Variants in RAD50 observed in about 807,000 individuals in gnomAD.
The protein encoded by RAD50 is RAD50 double strand break repair protein, also known as DNA repair protein RAD50.
RAD50 carries 132 observed loss-of-function variants against 168.8 expected under a neutral mutation model. The ratio of observed to expected loss-of-function variants is 0.78; its 90% confidence interval spans 0.68 to 0.90. The LOEUF (loss-of-function observed/expected upper bound fraction) is 0.90, where lower values mean the gene tolerates loss of function less well. Ranked by LOEUF, RAD50 falls within the 40% of genes least tolerant of loss-of-function variation. The probability of loss-of-function intolerance (pLI) is 0.00; values close to 1 mark genes in which losing one functional copy is unlikely to be tolerated. For missense variants in RAD50, 1,347 were observed against 1,534.4 expected (o/e 0.88, Z 2.04); for synonymous variants, 525 against 497.4 (o/e 1.06, Z -0.74).
At chr5:132,578,061 C>T (rs553660524) in intron 3 of RAD50, among the ~76,000 whole-genome samples, 1 of 152,282 alleles carries the variant, frequency 6.6e-6, no homozygotes, top group Non-Finnish European at 1.5e-5. Context: ...GATCCGCCCA[C>T]CTCAGCCTCC....
intron 24 of RAD50, 134 bp from the exon 25 acceptor site, chr5:132,642,044 C>A: frequency 1.1e-6 from 1 of 938,624 alleles, no homozygotes; most frequent in Non-Finnish European, 1.7e-6. Flanking sequence ...GCCACCCCTC[C>A]ACTTCCTGCA....
At chr5:132,633,436 CTT>C (rs750578256) in intron 21 of RAD50, among the ~76,000 whole-genome samples, 98 of 152,066 alleles carry the variant, frequency 6.4e-4, no homozygotes, top group Non-Finnish European at 1.2e-3. Flanking sequence ...TCTTTTGTAA[CTT>C]TTAATTTTTA....
intron 21 of RAD50, among the ~76,000 whole-genome samples, chr5:132,626,176 A>C (rs1398711047): frequency 6.6e-6 from 1 of 152,146 alleles, no homozygotes; most frequent in African/African-American, 2.4e-5. Flanking sequence ...GAGGAACCAC[A>C]TTTTCTTTAT....
Position 132,587,542 on chromosome 5 carries a change from T to A in RAD50, c.757-20T>A. ...TAAGCTATAGTGAGTTTTATTTATGTAATGTTTCTTTATTTTCAGAATCGT... is the reference window on the plus strand; with the variant it reads ...TAAGCTATAGTGAGTTTTATTTATGAAATGTTTCTTTATTTTCAGAATCGT... On this transcript the variant is annotated intron_variant, in intron 5 of 24. Transcript: ENST00000378823. The A allele has an allele frequency of 1.9e-6, 3 of 1,611,386 alleles. No homozygotes were observed.
At chr5:132,621,780 T>G (rs1457296927) in intron 21 of RAD50, among the ~76,000 whole-genome samples, 1 of 152,178 alleles carries the variant, frequency 6.6e-6, no homozygotes, top group Non-Finnish European at 1.5e-5. Context: ...TCTCTTAGGA[T>G]TTTTCCCTTT....
At chr5:132,580,473 G>A (rs1750486041) in intron 5 of RAD50, among the ~76,000 whole-genome samples, 1 of 152,170 alleles carries the variant, frequency 6.6e-6, no homozygotes, top group South Asian at 2.1e-4. Flanking sequence ...TAAATTAGTA[G>A]TATAGATCAC....
chr5:132,609,432 A>G, intron 19 of RAD50, 36 bp downstream of exon 19: 6 of 1,609,928 alleles, frequency 3.7e-6, no homozygotes, highest in Non-Finnish European at 4.2e-6. Context: ...ACTTACACCT[A>G]TGACATTCTT....
chr5:132,590,131 CA>C (rs1411667463), intron 9 of RAD50, among the ~76,000 whole-genome samples: 1 of 152,246 alleles, frequency 6.6e-6, no homozygotes, highest in East Asian at 1.9e-4. Context: ...AATGTACATT[CA>C]AAACACAACA....
chr5:132,611,429 G>C (rs1385920279), intron 19 of RAD50, among the ~76,000 whole-genome samples: 1 of 151,286 alleles, frequency 6.6e-6, no homozygotes, highest in South Asian at 2.1e-4. Flanking sequence ...AAAACAGCCA[G>C]GCGTGGTGGC....
chr5:132,565,949 C>T (rs1197355867), intron 2 of RAD50, among the ~76,000 whole-genome samples: 2 of 152,182 alleles, frequency 1.3e-5, no homozygotes, highest in African/African-American at 4.8e-5. Flanking sequence ...ATTTATTCCA[C>T]TCTAGGCTGA....
chr5:132,600,108 C>T (rs1750861774), intron 13 of RAD50: 1 of 152,212 alleles, frequency 6.6e-6, no homozygotes, highest in Admixed American at 6.5e-5. Context: ...TCTATTCATG[C>T]AACCAATATA....
intron 19 of RAD50, among the ~76,000 whole-genome samples, chr5:132,610,828 G>A (rs1405720652): frequency 3.3e-5 from 5 of 152,066 alleles, no homozygotes; most frequent in East Asian, 1.9e-4. Context: ...ATATATATAC[G>A]AAATTGTTAA....
Position 132,594,855 on chromosome 5 carries a change from T to G in RAD50, c.1794-14T>G. 6 of 1,589,880 alleles carry G rather than the reference T, an allele frequency of 3.8e-6. No individual in the cohort carries two copies. Among genetic ancestry groups the G allele is most frequent in the Non-Finnish European group, 5.2e-6 (6 of 1,158,852 alleles). On this transcript the variant is annotated splice_polypyrimidine_tract_variant and intron_variant, in intron 11 of 24. Coordinates refer to ENST00000378823, the MANE Select transcript of RAD50 (RefSeq NM_005732.4). ...CTATTTTAAAATGAAAATCCATATT[T>G]GCTCTTATTTTAGCAAGGAACTAGC...
intron 19 of RAD50, among the ~76,000 whole-genome samples, chr5:132,615,784 C>T (rs946916843): frequency 7.2e-5 from 11 of 152,148 alleles, no homozygotes; most frequent in African/African-American, 1.9e-4. Flanking sequence ...GTAAAAGCTG[C>T]GCTACAGGAG....
intron 23 of RAD50, among the ~76,000 whole-genome samples, chr5:132,639,625 T>C (rs1751673698): frequency 6.6e-6 from 1 of 152,248 alleles, no homozygotes; most frequent in Non-Finnish European, 1.5e-5. Flanking sequence ...GTAGCTATTC[T>C]GAGTTATGAA....
chr5:132,570,916 A>C (rs927930060), intron 2 of RAD50, among the ~76,000 whole-genome samples: 2 of 152,132 alleles, frequency 1.3e-5, no homozygotes, highest in Non-Finnish European at 2.9e-5. Context: ...TTAAAACGAG[A>C]TGTTTGACTC....
At chr5:132,563,591 G>A (rs1580978382) in intron 2 of RAD50, among the ~76,000 whole-genome samples, 1 of 152,198 alleles carries the variant, frequency 6.6e-6, no homozygotes, top group African/African-American at 2.4e-5. Context: ...AAAATTTAAA[G>A]AGAGACCAGC....
At chr5:132,610,124 A>C (rs1280228314) in intron 19 of RAD50, among the ~76,000 whole-genome samples, 1 of 151,924 alleles carries the variant, frequency 6.6e-6, no homozygotes, top group Non-Finnish European at 1.5e-5. Context: ...GATTTTACCT[A>C]TCAACTCACA....
In RAD50 at chr5:132,591,366, C is replaced by T. The variant is rs768816602; in HGVS notation, c.1595C>T (p.Thr532Ile). The change falls in exon 10 of 25, where the codon ACA (threonine) becomes ATA (isoleucine). Residue 532 changes from threonine (T) to isoleucine (I), a missense_variant. Coordinates refer to ENST00000378823, the MANE Select transcript of RAD50 (RefSeq NM_005732.4). ...DQEMEQLNHH[T>I]TTRTQMEMLT... ...GAGATGGAGCAGTTAAACCATCATA[C>T]AACAACACGTACCCAAATGGAGATG... 1.2e-6 allele frequency: 2 copies of T among 1,613,902 alleles called. No homozygotes were observed. Among genetic ancestry groups the T allele is most frequent in the East Asian group, 2.2e-5 (1 of 44,852 alleles).
Sources: allele counts gnomAD v4.1 joint callset (sites outside exome capture counted in the v4.1 genomes callset), GRCh38; gene constraint gnomAD v4.1.1; transcripts MANE v1.5; gene names NCBI Gene and HGNC (gene_info 2026-07-23, HGNC 2026-07-21).